The following ABCB11 variants were observed in gnomAD, a reference collection of about 807,000 sequenced individuals.
The protein encoded by ABCB11 is bile salt export pump.
A neutral mutation model predicts 148.0 loss-of-function variants in ABCB11; 95 were observed. That is an observed-to-expected ratio of 0.64 (90% CI 0.54 to 0.76). The LOEUF is 0.76. Ranked by LOEUF, ABCB11 falls within the 30% of genes least tolerant of loss-of-function variation. ABCB11 has a pLI of 0.00. For missense variants in ABCB11, 1,523 were observed against 1,617.8 expected (o/e 0.94, Z 1.01); for synonymous variants, 591 against 555.4 (o/e 1.06, Z -0.90).
At position 168,923,544 on chromosome 2, in the gene ABCB11, C is replaced by A; in HGVS notation, c.*78G>T. 1 of 1,314,382 alleles carries A rather than the reference C, an allele frequency of 7.6e-7. No homozygotes were observed. The allele number at this position is 1,314,382 out of a possible 1,614,324, so 81.4% of individuals were successfully genotyped here. On this transcript the variant is annotated 3_prime_UTR_variant, in exon 28 of 28. Transcript: ENST00000650372. ...AGAAAAAACAATCCCAGCAATCCCT[C>A]CTGCTGGGATTGTTTTTTTCTTTAA...
rs913783789 is a variant in ABCB11, at chr2:168,927,090, A to C, written c.3618+66T>G. The C allele has an allele frequency of 2.8e-6, 4 of 1,440,688 alleles. No individual in the cohort carries two copies. In the African/African-American group the frequency reaches 5.6e-5, roughly 20 times the overall value. The allele number at this position is 1,440,688 out of a possible 1,614,324, so 89.2% of individuals were successfully genotyped here. Reference sequence around the variant, plus strand: ...CAGATTAGGGATGCTCAACCTGTACACTCTGGTCATTCTACTTCTCCCCAT... The same window carrying C: ...CAGATTAGGGATGCTCAACCTGTACCCTCTGGTCATTCTACTTCTCCCCAT... On this transcript the variant is annotated intron_variant, in intron 26 of 27. Coordinates refer to ENST00000650372, the MANE Select transcript of ABCB11 (RefSeq NM_003742.4).
chr2:169,009,327 C>T (rs888078707), intron 5 of ABCB11, among the ~76,000 whole-genome samples: 5 of 151,856 alleles, frequency 3.3e-5, no homozygotes, highest in Admixed American at 3.3e-4. Context: ...TGGAACCAAC[C>T]CAAATGTCCA....
chr2:169,004,413 G>C (rs116712474), intron 5 of ABCB11, among the ~76,000 whole-genome samples: 1 of 152,078 alleles, frequency 6.6e-6, no homozygotes, highest in African/African-American at 2.4e-5. Flanking sequence ...TGAAACCCAT[G>C]TCTTCAAACT....
chr2:168,927,661 C>T (rs1691376995), intron 25 of ABCB11, among the ~76,000 whole-genome samples: 1 of 152,102 alleles, frequency 6.6e-6, no homozygotes, highest in Admixed American at 6.6e-5. Flanking sequence ...ACAACGTCCC[C>T]TTACTTTGGT....
At chr2:169,030,765 C>T (rs913741909) in intron 1 of ABCB11, among the ~76,000 whole-genome samples, 8 of 152,062 alleles carry the variant, frequency 5.3e-5, no homozygotes, top group South Asian at 2.1e-4. Flanking sequence ...GAAATGAGTA[C>T]GGTGTTGGAG....
At chr2:169,018,019 C>T in intron 2 of ABCB11, 31 bp downstream of exon 2, 1 of 1,575,256 alleles carries the variant, frequency 6.3e-7, no homozygotes, top group South Asian at 1.1e-5. Context: ...TCTCCTTGTA[C>T]AAGATGCAGT....
chr2:169,008,038 T>C (rs1002642188), intron 5 of ABCB11, among the ~76,000 whole-genome samples: 2 of 152,218 alleles, frequency 1.3e-5, no homozygotes, highest in African/African-American at 4.8e-5. Context: ...GAAGAAGATG[T>C]GCAAATGGCC....
exon 3 of ABCB11, among the ~76,000 whole-genome samples, chr2:168,915,557 A>G (rs1323662206): frequency 6.6e-6 from 1 of 152,218 alleles, no homozygotes; most frequent in African/African-American, 2.4e-5. Context: ...CTGTAACAAG[A>G]TGGGTGAAGG....
At chr2:168,964,183 C>A (rs952420244) in intron 18 of ABCB11, 23 bp downstream of exon 18, 4 of 1,517,892 alleles carry the variant, frequency 2.6e-6, no homozygotes, top group Admixed American at 2.0e-5. Context: ...TCCATTCCCC[C>A]CCATAAGCAG....
chr2:168,997,196 A>C (rs4148779), intron 5 of ABCB11, among the ~76,000 whole-genome samples: 6,933 of 152,152 alleles, frequency 0.046, 177 homozygotes, highest in East Asian at 0.063. Context: ...GTAAATCAGG[A>C]GGCTTACTGT....
intron 5 of ABCB11, among the ~76,000 whole-genome samples, chr2:169,012,718 C>A (rs1402072982): frequency 2.0e-4 from 24 of 120,790 alleles, no homozygotes; most frequent in Admixed American, 7.9e-4. Context: ...CCAGCCTGGG[C>A]AAAAAAGGAG....
At chr2:168,989,307 T>C (rs1487772413) in intron 9 of ABCB11, among the ~76,000 whole-genome samples, 2 of 152,152 alleles carry the variant, frequency 1.3e-5, no homozygotes, top group Non-Finnish European at 2.9e-5. Context: ...TTGTGTATAG[T>C]GTGAGGTAAG....
At chr2:168,972,899 T>C (rs1558897976) in intron 13 of ABCB11, among the ~76,000 whole-genome samples, 1 of 152,054 alleles carries the variant, frequency 6.6e-6, no homozygotes, top group Non-Finnish European at 1.5e-5. Flanking sequence ...TTTCCATCTC[T>C]CTGACTCTCT....
intron 7 of ABCB11, 142 bp downstream of exon 7, chr2:168,995,207 A>T: frequency 1.1e-6 from 1 of 941,450 alleles, no homozygotes; most frequent in Non-Finnish European, 1.5e-6. Flanking sequence ...CTTATGAAAA[A>T]GCCATGCCAC....
intron 9 of ABCB11, among the ~76,000 whole-genome samples, chr2:168,988,044 G>A (rs1381182714): frequency 6.6e-6 from 1 of 152,016 alleles, no homozygotes; most frequent in East Asian, 1.9e-4. Context: ...CAATTTTCAA[G>A]TATGCAATGT....
intron 19 of ABCB11, among the ~76,000 whole-genome samples, chr2:168,955,929 A>C (rs1319113183): frequency 6.6e-6 from 1 of 151,718 alleles, no homozygotes; most frequent in African/African-American, 2.4e-5. Flanking sequence ...AAAACCCAGC[A>C]TGGCAGTCGT....
rs541816649 is a variant in ABCB11, at chr2:169,023,974, G to T, written c.-27-5822C>A. Among the ~76,000 whole-genome samples the T allele has an allele frequency of 5.9e-4, 90 of 152,038 alleles. No individual in the cohort carries two copies. The Middle Eastern group carries it at 0.017, about 29-fold the overall frequency. Reference sequence around the variant, plus strand: ...AAGTTTTTCTCTTTTTTTTCCTGTGGCTTTAAAATATTTCATGATATGGAT... The same window carrying T: ...AAGTTTTTCTCTTTTTTTTCCTGTGTCTTTAAAATATTTCATGATATGGAT... On this transcript the variant is annotated intron_variant, in intron 1 of 27. Coordinates refer to ENST00000650372, the MANE Select transcript of ABCB11 (RefSeq NM_003742.4).
At chr2:168,976,732 A>G (rs1693924184) in intron 11 of ABCB11, 45 bp from the exon 12 acceptor site, 1 of 1,142,980 alleles carries the variant, frequency 8.7e-7, no homozygotes, top group Non-Finnish European at 1.3e-6. Flanking sequence ...TCAAACTAAG[A>G]TGCACAACTC....
intron 12 of ABCB11, among the ~76,000 whole-genome samples, chr2:168,975,536 GATAA>G (rs1693838691): frequency 2.6e-5 from 2 of 76,770 alleles, no homozygotes; most frequent in Admixed American, 2.5e-4. Flanking sequence ...TATATTTATA[GATAA>G]ATATATAAAT....
Sources: allele counts gnomAD v4.1 joint callset (sites outside exome capture counted in the v4.1 genomes callset), GRCh38; gene constraint gnomAD v4.1.1; transcripts MANE v1.5; gene names NCBI Gene and HGNC (gene_info 2026-07-23, HGNC 2026-07-21).